PLCB1: variants seen among roughly 807,000 people sequenced by gnomAD.
PLCB1 encodes the protein 1-phosphatidylinositol 4,5-bisphosphate phosphodiesterase beta-1.
A neutral mutation model predicts 161.8 loss-of-function variants in PLCB1; 46 were observed. The ratio of observed to expected loss-of-function variants is 0.28; its 90% CI spans 0.22 to 0.36. PLCB1 has a LOEUF of 0.36. PLCB1 is among the 10% of genes least tolerant of loss of function. The pLI is 1.00. For missense variants in PLCB1, 1,016 were observed against 1,472.5 expected (o/e 0.69, Z 5.07); for synonymous variants, 517 against 503.7 (o/e 1.03, Z -0.35).
chr20:8,766,389 C>A (rs1415327618), intron 26 of PLCB1, among the ~76,000 whole-genome samples: 1 of 152,160 alleles, frequency 6.6e-6, no homozygotes, highest in Non-Finnish European at 1.5e-5. Context: ...AGAATAAAGC[C>A]TGGTCAGCTA....
chr20:8,216,157 A>G (rs1979111144), intron 2 of PLCB1, among the ~76,000 whole-genome samples: 2 of 152,156 alleles, frequency 1.3e-5, no homozygotes, highest in South Asian at 4.1e-4. Context: ...AAGAACTGCC[A>G]TATTTGGGAG....
chr20:8,842,485 T>C lies in PLCB1; in HGVS notation c.3424-39137T>C, dbSNP rs1025081206. ...TGAACTTAAGAGATTATGTGGATTC[T>C]GTACGTAATAGGTTTTATTCATAGA... On this transcript the variant is annotated intron_variant, in intron 31 of 31. Transcript: ENST00000338037. 5.3e-5 allele frequency among the ~76,000 whole-genome samples: 8 copies of C among 152,348 alleles called. No homozygotes were observed. In the South Asian group the frequency reaches 6.2e-4, roughly 12 times the overall value.
At chr20:8,140,303 T>A (rs1219124426) in intron 1 of PLCB1, among the ~76,000 whole-genome samples, 1 of 152,222 alleles carries the variant, frequency 6.6e-6, no homozygotes, top group Non-Finnish European at 1.5e-5. Context: ...ATTAAGTCCC[T>A]TTATCTTCAA....
chr20:8,663,584 G>A (rs1989739712), intron 9 of PLCB1, among the ~76,000 whole-genome samples: 1 of 152,114 alleles, frequency 6.6e-6, no homozygotes, highest in African/African-American at 2.4e-5. Context: ...TTTGGGAGAT[G>A]TGTATATTGG....
intron 31 of PLCB1, among the ~76,000 whole-genome samples, chr20:8,832,940 C>T (rs1986086446): frequency 6.6e-6 from 1 of 152,202 alleles, no homozygotes; most frequent in South Asian, 2.1e-4. Flanking sequence ...AATCACGGCA[C>T]AATCCAATTT....
At position 8,154,131 on chromosome 20, in the gene PLCB1, A is replaced by G. The variant is rs372416421; in HGVS notation, c.177+3760A>G. Among the ~76,000 whole-genome samples, 5 of 152,100 alleles carry G rather than the reference A, an allele frequency of 3.3e-5. No homozygotes were observed. In the East Asian group the frequency reaches 5.8e-4, roughly 18 times the overall value. ...TTTTGTTTTGCTTATGTCCATTTTT[A>G]TACTAAGTCACATCATATTAACCAT... is the stretch of plus-strand genomic sequence containing the variant. On this transcript the variant is annotated intron_variant, in intron 2 of 31. Transcript: ENST00000338037.
chr20:8,801,516 C>T (rs984004850), intron 31 of PLCB1, among the ~76,000 whole-genome samples: 4 of 152,208 alleles, frequency 2.6e-5, no homozygotes. Context: ...TTCCCTGACG[C>T]TCTTGAGTTC....
At chr20:8,471,669 A>G (rs1982057963) in intron 3 of PLCB1, among the ~76,000 whole-genome samples, 1 of 151,992 alleles carries the variant, frequency 6.6e-6, no homozygotes, top group South Asian at 2.1e-4. Flanking sequence ...TGCATAATTG[A>G]CCCCCTGCTA....
intron 3 of PLCB1, among the ~76,000 whole-genome samples, chr20:8,546,489 A>G (rs76388444): frequency 0.015 from 2,229 of 152,144 alleles, 58 homozygotes; most frequent in African/African-American, 0.049. Context: ...GAACATCATG[A>G]TTTAGATTTT....
chr20:8,615,609 T>A (rs1177337316), intron 3 of PLCB1, among the ~76,000 whole-genome samples: 1 of 152,146 alleles, frequency 6.6e-6, no homozygotes, highest in South Asian at 2.1e-4. Flanking sequence ...TATTTGGCTC[T>A]CCTGGACAAC....
chr20:8,575,158 T>C (rs1036988454), intron 3 of PLCB1, among the ~76,000 whole-genome samples: 2 of 152,162 alleles, frequency 1.3e-5, no homozygotes, highest in Admixed American at 6.5e-5. Flanking sequence ...AGTAGAGAAA[T>C]TGGACATCTT....
In PLCB1 at chr20:8,683,947, G is replaced by A. The variant is rs972803601; in HGVS notation, c.863-985G>A. Among the ~76,000 whole-genome samples the A allele has an allele frequency of 3.3e-5, 5 of 149,380 alleles. No homozygotes were observed. The East Asian group carries it at 8.0e-4, about 24-fold the overall frequency. ...CACCCAGGCTGGAGTGTAGTGGTGC[G>A]ATCTCAGCTCACTGCAAACTCCACC... On this transcript the variant is annotated intron_variant, in intron 9 of 31. Coordinates refer to ENST00000338037, the MANE Select transcript of PLCB1 (RefSeq NM_015192.4).
chr20:8,326,743 C>T (rs1482074991), intron 2 of PLCB1, among the ~76,000 whole-genome samples: 2 of 152,158 alleles, frequency 1.3e-5, no homozygotes, highest in African/African-American at 4.8e-5. Context: ...AATTTTACTT[C>T]TATGACCCTC....
At chr20:8,649,241 TTA>T in intron 6 of PLCB1, 131 bp from the exon 7 acceptor site, 1 of 602,816 alleles carries the variant, frequency 1.7e-6, no homozygotes, top group South Asian at 2.3e-5. Flanking sequence ...GGAGGAATGG[TTA>T]TCTTTTAGTT....
At chr20:8,672,399 CT>C (rs11289990) in intron 9 of PLCB1, among the ~76,000 whole-genome samples, 78,495 of 138,428 alleles carry the variant, frequency 0.57, 23,352 homozygotes, top group African/African-American at 0.8. Flanking sequence ...CTGTTATACT[CT>C]TTTTTTTTTT....
chr20:8,761,382 CTT>C (rs1438250527), intron 25 of PLCB1, among the ~76,000 whole-genome samples: 2 of 152,188 alleles, frequency 1.3e-5, no homozygotes, highest in Non-Finnish European at 2.9e-5. Context: ...AGCACATTGA[CTT>C]TGGGAAAATT....
chr20:8,212,885 C>T (rs6055656), intron 2 of PLCB1, among the ~76,000 whole-genome samples: 4,215 of 152,094 alleles, frequency 0.028, 207 homozygotes, highest in African/African-American at 0.092. Context: ...TTTTCACCTT[C>T]GTTACCATGA....
intron 3 of PLCB1, among the ~76,000 whole-genome samples, chr20:8,469,810 AAAGTGT>A (rs1568688268): frequency 6.6e-6 from 1 of 152,194 alleles, no homozygotes. Context: ...TCACTCATAT[AAAGTGT>A]ACAATTCTGT....
intron 3 of PLCB1, among the ~76,000 whole-genome samples, chr20:8,516,877 G>A (rs2122869660): frequency 6.6e-6 from 1 of 151,956 alleles, no homozygotes; most frequent in South Asian, 2.1e-4. Flanking sequence ...TGTTACGGCT[G>A]TGCAGCTAAG....
Sources: allele counts gnomAD v4.1 joint callset (sites outside exome capture counted in the v4.1 genomes callset), GRCh38; gene constraint gnomAD v4.1.1; transcripts MANE v1.5; gene names NCBI Gene and HGNC (gene_info 2026-07-23, HGNC 2026-07-21).